The following TMTC4 variants were observed in gnomAD, a reference collection of about 807,000 sequenced individuals.
TMTC4 encodes the protein transmembrane O-mannosyltransferase targeting cadherins 4, also known as protein O-mannosyl-transferase TMTC4.
Under a neutral mutation model 86.0 loss-of-function variants are expected in TMTC4, and 65 were observed. The observed-to-expected ratio is 0.76, with a 90% CI of 0.62 to 0.93. The LOEUF (loss-of-function observed/expected upper bound fraction) is 0.93. Among genes scored for constraint, TMTC4 ranks in the 40% least tolerant of loss-of-function variants. The pLI is 0.00. For missense variants in TMTC4, 866 were observed against 948.1 expected, an observed-to-expected ratio of 0.91 and a Z score of 1.14; for synonymous variants, 379 against 382.5, an observed-to-expected ratio of 0.99 and a Z score of 0.11.
chr13:100,610,192 C>T (rs555070352), intron 17 of TMTC4, among the ~76,000 whole-genome samples: 1 of 152,276 alleles, frequency 6.6e-6, no homozygotes, highest in East Asian at 1.9e-4. Flanking sequence ...CAGACACCTG[C>T]CCTGCCATCA....
intron 6 of TMTC4, 92 bp downstream of exon 6, chr13:100,656,289 T>A (rs1885094809): frequency 9.1e-7 from 1 of 1,098,664 alleles, no homozygotes; most frequent in East Asian, 2.5e-5. Context: ...CACACTCACA[T>A]AGATGGATTC....
At chr13:100,624,354 T>TTAAA (rs372840007) in intron 15 of TMTC4, 8 of 118,642 alleles carry the variant, frequency 6.7e-5, no homozygotes, top group African/African-American at 1.1e-4. Flanking sequence ...AAAAAAAAAA[T>TTAAA]AAAAAAAAAA....
chr13:100,660,498 A>G (rs1179374644), intron 5 of TMTC4, among the ~76,000 whole-genome samples: 1 of 152,102 alleles, frequency 6.6e-6, no homozygotes, highest in Non-Finnish European at 1.5e-5. Flanking sequence ...ACAGGGATCT[A>G]TGTGGCTGGG....
At chr13:100,668,061 G>A (rs968152491) in intron 3 of TMTC4, among the ~76,000 whole-genome samples, 2 of 152,152 alleles carry the variant, frequency 1.3e-5, no homozygotes, top group African/African-American at 4.8e-5. Context: ...CAGCGCCCAT[G>A]GGCAGCACAT....
Position 100,625,568 on chromosome 13 carries a change from T to C in TMTC4, c.1803A>G (p.Lys601=), listed in dbSNP as rs1436283856. ...CGAGGTTGTAGTAACAGTCTGGGTATTTCCTTCTGTGTTTAATTGCTGTCC... is the reference window on the plus strand; with the variant it reads ...CGAGGTTGTAGTAACAGTCTGGGTACTTCCTTCTGTGTTTAATTGCTGTCC... ...SYRTAIKHRR[K]YPDCYYNLGR... Residue 601 remains lysine (K), a synonymous_variant, in exon 15 of 19, where the codon AAA becomes AAG. Coordinates refer to ENST00000342624, the MANE Select transcript of TMTC4 (RefSeq NM_032813.5). The C allele has an allele frequency of 3.7e-6, 6 of 1,614,220 alleles. No individual in the cohort carries two copies. The highest frequency in any genetic ancestry group is 5.1e-6 in the Non-Finnish European group (6 of 1,180,046).
intron 12 of TMTC4, among the ~76,000 whole-genome samples, chr13:100,628,014 A>G (rs577242507): frequency 6.6e-6 from 1 of 152,148 alleles, no homozygotes; most frequent in South Asian, 2.1e-4. Context: ...CTGATAGGAG[A>G]GAGGGAAGAG....
chr13:100,616,797 G>T (rs944061221), intron 15 of TMTC4, among the ~76,000 whole-genome samples: 1 of 152,106 alleles, frequency 6.6e-6, no homozygotes, highest in African/African-American at 2.4e-5. Flanking sequence ...TCATATGTTT[G>T]TTAGCTGCTT....
chr13:100,657,853 G>T (rs2139004406), intron 5 of TMTC4, among the ~76,000 whole-genome samples: 1 of 152,302 alleles, frequency 6.6e-6, no homozygotes, highest in South Asian at 2.1e-4. Context: ...CCCTACATCG[G>T]TTATACACGA....
At chr13:100,650,151 T>C (rs1451092541) in intron 6 of TMTC4, among the ~76,000 whole-genome samples, 1 of 152,102 alleles carries the variant, frequency 6.6e-6, no homozygotes, top group Non-Finnish European at 1.5e-5. Context: ...CAACTTGCTC[T>C]AGGATAATTA....
intron 12 of TMTC4, among the ~76,000 whole-genome samples, chr13:100,634,094 G>A (rs1444403393): frequency 6.7e-6 from 1 of 149,232 alleles, no homozygotes; most frequent in Non-Finnish European, 1.5e-5. Flanking sequence ...AGCCGAGATC[G>A]CACCACTGCA....
Position 100,663,942 on chromosome 13 carries a change from T to C in TMTC4, c.335+279A>G, listed in dbSNP as rs1886103538. 1.3e-5 allele frequency among the ~76,000 whole-genome samples: 2 copies of C among 152,222 alleles called. 1 individual carries two copies. The highest frequency in any genetic ancestry group is 2.9e-5 in the Non-Finnish European group (2 of 68,040). The stretch of plus-strand genomic sequence containing the variant: ...ATCAGTTTCATCAGAGGCCCCATGA[T>C]GCTTTCACTCATATTATTCCATTGG... On this transcript the variant is annotated intron_variant, in intron 4 of 18. Coordinates refer to ENST00000342624, the MANE Select transcript of TMTC4 (RefSeq NM_032813.5).
intron 6 of TMTC4, among the ~76,000 whole-genome samples, chr13:100,652,263 G>A (rs1272908402): frequency 1.3e-5 from 2 of 152,192 alleles, no homozygotes; most frequent in Non-Finnish European, 2.9e-5. Flanking sequence ...CAGATCACTT[G>A]AGGTCAGGAG....
intron 12 of TMTC4, among the ~76,000 whole-genome samples, chr13:100,632,053 A>ACACACACACACACACACACACACTCT (rs1296569630): frequency 1.2e-4 from 5 of 43,110 alleles, no homozygotes; most frequent in African/African-American, 3.4e-4. Flanking sequence ...ACACACACAC[A>ACACACACACACACACACACACACTCT]CTCTCTCTCT....
chr13:100,674,230 A>G (rs2139095404), intron 1 of TMTC4: 1 of 980,660 alleles, frequency 1.0e-6, no homozygotes, highest in African/African-American at 1.8e-5. Context: ...AGCGTGGAGT[A>G]GCAGGCGCTC....
intron 7 of TMTC4, 101 bp from the exon 8 acceptor site, chr13:100,638,123 A>G (rs1882520138): frequency 1.2e-6 from 1 of 839,776 alleles, no homozygotes; most frequent in African/African-American, 1.7e-5. Context: ...CAAGGAACAC[A>G]TAGACTAGAG....
intron 1 of TMTC4, among the ~76,000 whole-genome samples, chr13:100,671,943 G>A (rs1044605856): frequency 6.6e-6 from 1 of 151,664 alleles, no homozygotes; most frequent in African/African-American, 2.4e-5. Context: ...TAGTCCAGTG[G>A]TTGAGACCAA....
At chr13:100,638,238 C>T (rs181142230) in intron 7 of TMTC4, 926 of 480,582 alleles carry the variant, frequency 1.9e-3, no homozygotes, top group Non-Finnish European at 2.7e-3. Flanking sequence ...TAGTAAGCCC[C>T]TGATAGTAAT....
At chr13:100,637,461 C>CGAG (rs1213776877) in intron 9 of TMTC4, 77 bp downstream of exon 9, 81 of 1,525,024 alleles carry the variant, frequency 5.3e-5, no homozygotes, top group Non-Finnish European at 6.5e-5. Context: ...AGGAGTGAGA[C>CGAG]GAGGAGGAGG....
At chr13:100,649,176 A>G (rs1884119609) in intron 6 of TMTC4, among the ~76,000 whole-genome samples, 1 of 152,238 alleles carries the variant, frequency 6.6e-6, no homozygotes, top group Non-Finnish European at 1.5e-5. Flanking sequence ...TACAGCGTTG[A>G]CAAAATGCTT....
Sources: allele counts gnomAD v4.1 joint callset (sites outside exome capture counted in the v4.1 genomes callset), GRCh38; gene constraint gnomAD v4.1.1; transcripts MANE v1.5; gene names NCBI Gene and HGNC (gene_info 2026-07-23, HGNC 2026-07-21).